The following TRAPPC9 variants were observed in gnomAD, a reference collection of about 807,000 sequenced individuals.
TRAPPC9 encodes the protein IKK2 binding protein.
A neutral mutation model predicts 124.0 loss-of-function variants in TRAPPC9; 83 were observed. The observed-to-expected ratio is 0.67, with a 90% CI of 0.56 to 0.80. The LOEUF is 0.80. Ranked by LOEUF, TRAPPC9 falls within the 30% of genes least tolerant of loss-of-function variation. TRAPPC9 has a pLI of 0.00. For synonymous variants in TRAPPC9, 638 were observed against 617.5 expected, an observed-to-expected ratio of 1.03 and a Z score of -0.49; for missense variants, 1,302 against 1,508.3, an observed-to-expected ratio of 0.86 and a Z score of 2.27.
Position 140,071,894 on chromosome 8 carries a change from C to A in TRAPPC9, c.2557-47815G>T, listed in dbSNP as rs114750951. On this transcript the variant is annotated intron_variant, in intron 17 of 22. Transcript: ENST00000438773. ...CACCATAGCCCAGCGGGGTTGATCC[C>A]GGGAAAACAAGGACCAGTTAGCACT... is the stretch of plus-strand genomic sequence containing the variant. Among the ~76,000 whole-genome samples the A allele has an allele frequency of 4.3e-4, 65 of 152,292 alleles. 1 individual carries two copies. Among genetic ancestry groups the A allele is most frequent in the Admixed American group, 3.5e-3 (53 of 15,286 alleles).
At chr8:140,312,460 T>C (rs1166879317) in intron 9 of TRAPPC9, among the ~76,000 whole-genome samples, 1 of 152,190 alleles carries the variant, frequency 6.6e-6, no homozygotes, top group African/African-American at 2.4e-5. Flanking sequence ...GGAGTGCCTA[T>C]ATCAGGAATT....
chr8:139,977,912 C>T (rs1216794572), intron 19 of TRAPPC9, among the ~76,000 whole-genome samples: 1 of 151,682 alleles, frequency 6.6e-6, no homozygotes, highest in East Asian at 2.0e-4. Context: ...AACTCCTGAC[C>T]TTAGGTGATC....
chr8:139,928,454 T>C (rs1587245765), intron 19 of TRAPPC9, among the ~76,000 whole-genome samples: 1 of 151,694 alleles, frequency 6.6e-6, no homozygotes, highest in Non-Finnish European at 1.5e-5. Context: ...ATGGCGCCAC[T>C]GCACTCCAGC....
rs1202087896 is a variant in TRAPPC9, at chr8:140,023,989, C to G, written c.2647G>C (p.Glu883Gln). The G allele has an allele frequency of 6.2e-7, 1 of 1,614,152 alleles. No homozygotes were observed. ...GTGAAAAATACAGACGGCTCGACTT[C>G]TACATGCAGCCCCAGGGAGAGATTC... Reference protein sequence around the residue: ...YRNLSLGLHVEVEPSVFFTRV... With the variant: ...YRNLSLGLHVQVEPSVFFTRV... The change falls in exon 18 of 23, where the codon GAA becomes CAA. Residue 883 changes from glutamate (E) to glutamine (Q), a missense_variant. Transcript: ENST00000438773.
At chr8:139,844,182 C>T (rs900157008) in intron 21 of TRAPPC9, among the ~76,000 whole-genome samples, 21 of 152,254 alleles carry the variant, frequency 1.4e-4, no homozygotes, top group African/African-American at 4.8e-4. Flanking sequence ...AGGACAAATT[C>T]AAGGACAGCT....
At chr8:139,947,907 T>TAGAGAGAG (rs59810983) in intron 19 of TRAPPC9, among the ~76,000 whole-genome samples, 42 of 60,216 alleles carry the variant, frequency 7.0e-4, no homozygotes, top group Non-Finnish European at 8.3e-4. Context: ...TATATATATA[T>TAGAGAGAG]AGAGAGAGAG....
chr8:140,349,165 G>T (rs1484523491), intron 9 of TRAPPC9, among the ~76,000 whole-genome samples: 1 of 127,606 alleles, frequency 7.8e-6, no homozygotes, highest in African/African-American at 3.0e-5. Context: ...CGATGGGGGC[G>T]CACGAAGGAA....
At chr8:140,180,351 C>T (rs528670909) in intron 17 of TRAPPC9, among the ~76,000 whole-genome samples, 59 of 152,108 alleles carry the variant, frequency 3.9e-4, no homozygotes, top group African/African-American at 1.3e-3. Context: ...CCATTTCTCC[C>T]TTCCATCCTA....
intron 4 of TRAPPC9, among the ~76,000 whole-genome samples, chr8:140,431,672 A>G (rs1331620083): frequency 6.6e-6 from 1 of 152,204 alleles, no homozygotes; most frequent in Admixed American, 6.5e-5. Context: ...TCACAATTCT[A>G]CAAAGCAGAA....
At chr8:140,356,180 G>A (rs2067737500) in intron 9 of TRAPPC9, among the ~76,000 whole-genome samples, 1 of 152,270 alleles carries the variant, frequency 6.6e-6, no homozygotes. Flanking sequence ...AACAATACAT[G>A]AATGCTATTA....
chr8:140,286,653 C>A (rs2065491485), intron 13 of TRAPPC9, among the ~76,000 whole-genome samples: 1 of 152,148 alleles, frequency 6.6e-6, no homozygotes, highest in Middle Eastern at 3.4e-3. Flanking sequence ...AATGCCCGCA[C>A]TGAGATGGAG....
chr8:140,333,999 T>G (rs1378866281), intron 9 of TRAPPC9, among the ~76,000 whole-genome samples: 1 of 152,170 alleles, frequency 6.6e-6, no homozygotes, highest in South Asian at 2.1e-4. Context: ...ACTAAATGAT[T>G]CCCAAAACCT....
At chr8:139,899,952 G>T (rs1038750310) in intron 20 of TRAPPC9, among the ~76,000 whole-genome samples, 10 of 152,122 alleles carry the variant, frequency 6.6e-5, no homozygotes, top group African/African-American at 2.4e-4. Context: ...CAACCCCACA[G>T]AACCAAATGT....
intron 7 of TRAPPC9, among the ~76,000 whole-genome samples, chr8:140,375,674 A>G (rs1303529040): frequency 1.3e-5 from 2 of 152,240 alleles, no homozygotes; most frequent in African/African-American, 4.8e-5. Context: ...ACTCTCAGTG[A>G]GTGTTCAAGA....
chr8:139,817,246 T>C (rs976862333), intron 21 of TRAPPC9, among the ~76,000 whole-genome samples: 1 of 152,164 alleles, frequency 6.6e-6, no homozygotes, highest in Non-Finnish European at 1.5e-5. Context: ...ACCAGTTCAG[T>C]GGACATGGCT....
intron 11 of TRAPPC9, among the ~76,000 whole-genome samples, chr8:140,300,130 A>G (rs1315610737): frequency 1.3e-5 from 2 of 152,246 alleles, no homozygotes; most frequent in Non-Finnish European, 2.9e-5. Context: ...TTGCCTGCCA[A>G]AAGCAGCAAA....
At chr8:139,931,802 A>G in intron 19 of TRAPPC9, 1 of 174,474 alleles carries the variant, frequency 5.7e-6, no homozygotes, top group Non-Finnish European at 1.2e-5. Context: ...CATGCGGTAG[A>G]AGAGGAAGGG....
intron 19 of TRAPPC9, among the ~76,000 whole-genome samples, chr8:139,971,466 A>G (rs955658296): frequency 4.0e-4 from 61 of 152,082 alleles, no homozygotes; most frequent in African/African-American, 1.4e-3. Flanking sequence ...GGCCTCTTCC[A>G]CCAGAAAGCT....
intron 17 of TRAPPC9, among the ~76,000 whole-genome samples, chr8:140,172,071 A>G (rs184501609): frequency 1.6e-3 from 244 of 152,292 alleles, no homozygotes; most frequent in African/African-American, 5.5e-3. Context: ...CAGTGCAGTA[A>G]TTGCTCCCAC....
Sources: gnomAD v4.1 joint callset for allele counts (sites outside exome capture counted in the v4.1 genomes callset) on GRCh38, gnomAD v4.1.1 for gene constraint, MANE v1.5 for transcripts, NCBI Gene and HGNC (gene_info 2026-07-23, HGNC 2026-07-21) for gene names.